The following JMJD1C variants were observed in gnomAD, a reference collection of about 807,000 sequenced individuals.
JMJD1C encodes the protein jumonji domain containing 1C.
Under a neutral mutation model 245.3 loss-of-function variants are expected in JMJD1C, and 31 were observed. That is an observed-to-expected ratio of 0.13 (90% CI 0.09 to 0.17). The LOEUF is 0.17. Ranked by LOEUF, JMJD1C falls within the 10% of genes least tolerant of loss-of-function variation. The pLI, the probability that JMJD1C is intolerant of heterozygous loss-of-function variation, is 1.00. For missense variants in JMJD1C, 2,691 were observed against 3,000.2 expected (o/e 0.90, Z 2.41); for synonymous variants, 1,057 against 1,017.4 (o/e 1.04, Z -0.74).
At chr10:63,222,356 CAT>C (rs746622056) in intron 3 of JMJD1C, 121 of 1,248,428 alleles carry the variant, frequency 9.7e-5, no homozygotes, top group African/African-American at 4.6e-4. Flanking sequence ...ACAAACAAAT[CAT>C]ATGTTTTTCA....
chr10:63,169,549 T>C (rs1243078787), intron 24 of JMJD1C, among the ~76,000 whole-genome samples: 1 of 151,926 alleles, frequency 6.6e-6, no homozygotes, highest in East Asian at 1.9e-4. Flanking sequence ...GGAAAAAAAA[T>C]CTAATTGATG....
intron 10 of JMJD1C, among the ~76,000 whole-genome samples, chr10:63,201,431 T>C (rs916714233): frequency 3.9e-5 from 6 of 152,146 alleles, no homozygotes; most frequent in African/African-American, 1.2e-4. Flanking sequence ...CTCTAATGCA[T>C]TATACAGTCT....
intron 1 of JMJD1C, among the ~76,000 whole-genome samples, chr10:63,514,409 T>C (rs1954956322): frequency 6.6e-6 from 1 of 151,982 alleles, no homozygotes. Context: ...ATAAAGAAAA[T>C]GTAGTACACA....
chr10:63,229,163 A>C (rs1437748989), intron 3 of JMJD1C, among the ~76,000 whole-genome samples: 4 of 152,058 alleles, frequency 2.6e-5, no homozygotes, highest in Admixed American at 6.6e-5. Flanking sequence ...ATAAATAAAT[A>C]CTTTTTTAAA....
intron 2 of JMJD1C, among the ~76,000 whole-genome samples, chr10:63,332,657 C>T (rs750729779): frequency 6.6e-6 from 1 of 152,092 alleles, no homozygotes; most frequent in Admixed American, 6.5e-5. Context: ...TACTTAAATG[C>T]CTGATAAATA....
chr10:63,177,617 TG>T, intron 23 of JMJD1C, 99 bp downstream of exon 23: 1 of 1,246,648 alleles, frequency 8.0e-7, no homozygotes, highest in Admixed American at 2.3e-5. Flanking sequence ...GTAAAAATTA[TG>T]TAATGGTCTT....
chr10:63,238,930 A>G (rs1851127526), intron 3 of JMJD1C, among the ~76,000 whole-genome samples: 1 of 152,230 alleles, frequency 6.6e-6, no homozygotes, highest in Non-Finnish European at 1.5e-5. Flanking sequence ...ATCCAGTGGA[A>G]TTGAGACAGA....
At chr10:63,184,302 G>A (rs1195549019) in intron 21 of JMJD1C, among the ~76,000 whole-genome samples, 1 of 147,368 alleles carries the variant, frequency 6.8e-6, no homozygotes, top group Admixed American at 6.8e-5. Context: ...GTGCAGTAGT[G>A]CAATCTCAGC....
chr10:63,182,557 G>GA (rs1195059880), intron 22 of JMJD1C, among the ~76,000 whole-genome samples: 2 of 152,048 alleles, frequency 1.3e-5, no homozygotes, highest in East Asian at 1.9e-4. Context: ...TTTCGAGAAA[G>GA]AAAAAATCAT....
Position 63,183,555 on chromosome 10 carries a change from T to C in JMJD1C, c.6976A>G (p.Lys2326Glu). 2 of 1,590,662 alleles carry C rather than the reference T, an allele frequency of 1.3e-6. No homozygotes were observed. Among genetic ancestry groups the C allele is most frequent in the Non-Finnish European group, 1.7e-6 (2 of 1,165,902 alleles). ...LCSAYGVVAA[K>E]DHDIGTTNLH... is the part of the protein sequence containing the mutation. The stretch of plus-strand genomic sequence containing the variant: ...TTTGTTGTTCCTATATCATGATCTT[T>C]AGCAGCAACTACACCTGTATATAAA... The change falls in exon 22 of 26, where the codon AAA becomes GAA. Residue 2326 changes from lysine to glutamate, a missense_variant. By Grantham distance (56) the Lys-to-Glu change is moderately conservative. Around this residue, in one of 9 missense-constraint regions of JMJD1C, gnomAD observed 232 missense variants for 416.1 expected, o/e 0.56. Transcript: ENST00000399262.
chr10:63,183,470 C>T lies in JMJD1C; in HGVS notation c.7061G>A (p.Gly2354Glu). The change falls in exon 22 of 26, where the codon GGA becomes GAA. Residue 2354 changes from glycine to glutamate, a missense_variant. Physicochemically the swap from Gly to Glu is moderately conservative, Grantham distance 98. This residue lies in a region of JMJD1C where 232 missense variants were observed against 416.1 expected (regional missense o/e 0.56). Transcript: ENST00000399262. ...ACCTGCTTTTGAGAGAATGCCATTT[C>T]CTTTTGCTATGCCAACATAAACTAG... ...NILVYVGIAK[G>E]NGILSKAGIL... 6.2e-7 allele frequency: 1 copy of T among 1,604,372 alleles called. No individual in the cohort carries two copies. Among genetic ancestry groups the T allele is most frequent in the Non-Finnish European group, 8.5e-7 (1 of 1,176,962 alleles).
chr10:63,490,270 A>G (rs1236023344), intron 1 of JMJD1C, among the ~76,000 whole-genome samples: 2 of 151,980 alleles, frequency 1.3e-5, no homozygotes, highest in Non-Finnish European at 1.5e-5. Flanking sequence ...GCTCATTCTC[A>G]ATTTTTAGGC....
intron 1 of JMJD1C, among the ~76,000 whole-genome samples, chr10:63,460,835 G>T (rs1373330048): frequency 6.6e-6 from 1 of 151,994 alleles, no homozygotes; most frequent in Non-Finnish European, 1.5e-5. Context: ...ATACAAAGAC[G>T]ATAAGGTTTC....
chr10:63,400,989 G>A (rs1948815493), intron 1 of JMJD1C, among the ~76,000 whole-genome samples: 1 of 150,338 alleles, frequency 6.7e-6, no homozygotes, highest in Admixed American at 6.6e-5. Flanking sequence ...CTCCTGAGTA[G>A]CTGGATTTAC....
Position 63,465,656 on chromosome 10 carries a change from C to T in JMJD1C, c.7G>A (p.Val3Ile), listed in dbSNP as rs773606015. The T allele has an allele frequency of 2.5e-6, 4 of 1,609,028 alleles. No individual in the cohort carries two copies. The highest frequency in any genetic ancestry group is 3.4e-6 in the Non-Finnish European group (4 of 1,179,872). The part of the protein sequence containing the change: MA[V>I]ETRAELVGKR... ...CCCACCAGCTCTGCCCGCGTCTCTA[C>T]CGCCATAGCTGTCGCTGCCGAAGCG... is the stretch of plus-strand genomic sequence containing the variant. Residue 3 changes from valine (V) to isoleucine (I), a missense_variant, in exon 1 of 26, where the codon GTA becomes ATA. Physicochemically the swap from Val to Ile is conservative, Grantham distance 29. Transcript: ENST00000399262.
intron 2 of JMJD1C, among the ~76,000 whole-genome samples, chr10:63,291,485 G>A (rs1238270479): frequency 6.8e-6 from 1 of 147,026 alleles, no homozygotes; most frequent in African/African-American, 2.5e-5. Context: ...TGTGGTGGCA[G>A]GCGACTGTAA....
intron 17 of JMJD1C, 122 bp downstream of exon 17, chr10:63,190,772 T>TG: frequency 1.4e-6 from 1 of 712,720 alleles, no homozygotes; most frequent in South Asian, 1.7e-5. Flanking sequence ...AATAGAAACA[T>TG]GCCTAGCAAT....
rs1399836814 is a variant in JMJD1C at position 63,482,593 on chromosome 10, G to A, written n.113+39145C>T. ...CAAGGTAGCAGTGAGCTGACATCGC[G>A]CCACTGCACTCCAGCCTGGGTGATA... On this transcript the variant is annotated intron_variant and non_coding_transcript_variant, in intron 1 of 3. Coordinates refer to the JMJD1C transcript ENST00000633035. Among the ~76,000 whole-genome samples, 4 of 151,956 alleles carry A rather than the reference G, an allele frequency of 2.6e-5. No homozygotes were observed. The East Asian group carries it at 7.7e-4, about 29-fold the overall frequency.
intron 2 of JMJD1C, among the ~76,000 whole-genome samples, chr10:63,366,201 T>A (rs891618079): frequency 6.6e-6 from 1 of 152,176 alleles, no homozygotes; most frequent in African/African-American, 2.4e-5. Context: ...GCCATGTGGG[T>A]GGTATGTGAT....
Sources: allele counts gnomAD v4.1 joint callset (sites outside exome capture counted in the v4.1 genomes callset), GRCh38; gene constraint gnomAD v4.1.1; regional missense constraint gnomAD v4.1.1; transcripts MANE v1.5; gene names NCBI Gene and HGNC (gene_info 2026-07-23, HGNC 2026-07-21).